Variants in BEND4 observed in about 807,000 individuals in gnomAD.
BEND4 encodes the protein BEN domain containing 4, also known as BEN domain-containing protein 4.
In BEND4, 27 loss-of-function variants were observed where a neutral mutation model predicts 54.7. The ratio of observed to expected loss-of-function variants is 0.49; its 90% confidence interval spans 0.36 to 0.68. The LOEUF is 0.68. BEND4 is among the 30% of genes least tolerant of loss of function. The probability of loss-of-function intolerance (pLI) is 0.00; values close to 1 mark genes in which losing one functional copy is unlikely to be tolerated. For missense variants in BEND4, 702 were observed against 697.2 expected, an observed-to-expected ratio of 1.01 and a Z score of -0.08; for synonymous variants, 327 against 299.5, an observed-to-expected ratio of 1.09 and a Z score of -0.95.
rs568684235 is a variant in BEND4 at position 42,151,538 on chromosome 4, C to G, written c.487+119G>C. ...GCGCGGGGAGGCCCCAGGTGCGCCC[C>G]GACATCCCGACACGGCCCAGCACGG... is the stretch of plus-strand genomic sequence containing the variant. On this transcript the variant is annotated intron_variant, in intron 2 of 5. Transcript: ENST00000502486. 8 of 1,092,822 alleles carry G rather than the reference C, an allele frequency of 7.3e-6. No individual in the cohort carries two copies. The East Asian group carries it at 2.3e-4, about 31-fold the overall frequency. 67.7% of individuals were successfully genotyped at this position (1,092,822 alleles called of 1,614,324 possible).
intron 3 of BEND4, among the ~76,000 whole-genome samples, chr4:42,127,969 C>T (rs913908675): frequency 6.6e-6 from 1 of 151,966 alleles, no homozygotes; most frequent in Non-Finnish European, 1.5e-5. Context: ...TTGAGACTAG[C>T]CTCGGAAACA....
intron 2 of BEND4, among the ~76,000 whole-genome samples, chr4:42,149,727 G>GA (rs948413774): frequency 4.0e-4 from 59 of 146,808 alleles, no homozygotes; most frequent in Non-Finnish European, 6.0e-4. Flanking sequence ...GAAAAGGAAG[G>GA]AAAAAAAAAA....
intron 3 of BEND4, among the ~76,000 whole-genome samples, chr4:42,126,960 G>A (rs1031228881): frequency 6.6e-6 from 1 of 152,294 alleles, no homozygotes; most frequent in African/African-American, 2.4e-5. Flanking sequence ...GTATTTCTTA[G>A]CTGTGTGTTT....
Position 42,143,793 on chromosome 4 carries a change from T to A in BEND4, c.689A>T (p.Asp230Val). Residue 230 changes from aspartate to valine, a missense_variant, in exon 3 of 6, where the codon GAC becomes GTC. Transcript: ENST00000502486. ...GVHSQTSDNVDIEMQYMQRKQ... is the reference protein window; with the variant it reads ...GVHSQTSDNVVIEMQYMQRKQ... Reference sequence around the variant, plus strand: ...CCTTTGCATATACTGCATCTCTATGTCTACATTGTCTGAGGTCTGACTGTG... The same window carrying A: ...CCTTTGCATATACTGCATCTCTATGACTACATTGTCTGAGGTCTGACTGTG... The A allele has an allele frequency of 6.2e-7, 1 of 1,609,278 alleles. No individual in the cohort carries two copies. The highest frequency in any genetic ancestry group is 1.1e-5 in the South Asian group (1 of 90,074).
intron 3 of BEND4, among the ~76,000 whole-genome samples, chr4:42,142,403 T>C (rs953262141): frequency 1.4e-4 from 21 of 148,922 alleles, no homozygotes; most frequent in African/African-American, 4.4e-4. Context: ...GTGGATCACC[T>C]GAGGTCAGGA....
In BEND4 at chr4:42,134,752, T is replaced by C. The variant is rs527637115; in HGVS notation, c.1054+8676A>G. Reference sequence around the variant, plus strand: ...TTGTTACAGTGTCACCTGAGCTGGGTACTAAAGGATGAATAGGAGTTTCTC... The same window carrying C: ...TTGTTACAGTGTCACCTGAGCTGGGCACTAAAGGATGAATAGGAGTTTCTC... On this transcript the variant is annotated intron_variant, in intron 3 of 5. Transcript: ENST00000502486. Among the ~76,000 whole-genome samples the C allele has an allele frequency of 9.8e-5, 15 of 152,304 alleles. 1 individual carries two copies. The highest frequency in any genetic ancestry group is 2.6e-4 in the African/African-American group (11 of 41,564).
At chr4:42,133,207 T>G (rs1720568111) in intron 3 of BEND4, among the ~76,000 whole-genome samples, 1 of 152,210 alleles carries the variant, frequency 6.6e-6, no homozygotes, top group African/African-American at 2.4e-5. Flanking sequence ...CTGTGCCACC[T>G]TGGCAGCTGT....
intron 3 of BEND4, among the ~76,000 whole-genome samples, chr4:42,130,493 A>T (rs1180850759): frequency 6.6e-6 from 1 of 151,750 alleles, no homozygotes; most frequent in Non-Finnish European, 1.5e-5. Context: ...AAAAAAAAAA[A>T]AAAAAAATAC....
rs1719611499 is a variant in BEND4 at position 42,112,445 on chromosome 4, C to A, written c.*5073G>T. ...GGATACATCTGGCCACTTGTACTGG[C>A]CCAATTATTCCAAGAATAAAGAGGT... On this transcript the variant is annotated 3_prime_UTR_variant, in exon 6 of 6. Coordinates refer to ENST00000502486, the MANE Select transcript of BEND4 (RefSeq NM_207406.4). 6.6e-6 allele frequency: 1 copy of A among 152,176 alleles called. No homozygotes were observed. The highest frequency in any genetic ancestry group is 2.1e-4 in the South Asian group (1 of 4,818). The allele number at this position is 152,176 out of a possible 1,614,324, so 9.4% of individuals were successfully genotyped here.
chr4:42,125,777 C>A (rs923617527), intron 3 of BEND4, 103 bp from the exon 4 acceptor site: 68 of 698,260 alleles, frequency 9.7e-5, no homozygotes, highest in Non-Finnish European at 1.4e-4. Flanking sequence ...GTCTTACTGG[C>A]ACCCATACTG....
intron 3 of BEND4, among the ~76,000 whole-genome samples, chr4:42,128,720 C>A (rs1368561667): frequency 6.6e-6 from 1 of 151,732 alleles, no homozygotes; most frequent in Non-Finnish European, 1.5e-5. Context: ...GTGGCTCATG[C>A]CCGTAATCCC....
intron 3 of BEND4, 88 bp downstream of exon 3, chr4:42,143,340 C>A: frequency 8.5e-7 from 1 of 1,182,622 alleles, no homozygotes; most frequent in Non-Finnish European, 1.2e-6. Flanking sequence ...TACACATACA[C>A]ATACATGAGT....
chr4:42,145,773 A>C (rs995852421), intron 2 of BEND4, among the ~76,000 whole-genome samples: 1 of 152,110 alleles, frequency 6.6e-6, no homozygotes, highest in Non-Finnish European at 1.5e-5. Flanking sequence ...ACATCTCCCA[A>C]ATCCTGAATC....
At position 42,114,495 on chromosome 4, in the gene BEND4, C is replaced by T. The variant is rs1719719109; in HGVS notation, c.*3023G>A. 1 of 152,178 alleles carries T rather than the reference C, an allele frequency of 6.6e-6. No individual in the cohort carries two copies. Among genetic ancestry groups the T allele is most frequent in the Admixed American group, 6.5e-5 (1 of 15,268 alleles). The allele number at this position is 152,178 out of a possible 1,614,324, so 9.4% of individuals were successfully genotyped here. A position where few individuals can be genotyped will look rare whatever the true frequency, so the allele number is the denominator to read the frequency against. ...GCATCCTGAGCTGTTTTAACTCAATCTATTTTACACTACCAATGCTAACAT... is the reference window on the plus strand; with the variant it reads ...GCATCCTGAGCTGTTTTAACTCAATTTATTTTACACTACCAATGCTAACAT... On this transcript the variant is annotated 3_prime_UTR_variant, in exon 6 of 6. Transcript: ENST00000502486.
rs1339476661 is a variant in BEND4, at chr4:42,115,977, T to C, written c.*1541A>G. The C allele has an allele frequency of 6.6e-6, 1 of 152,232 alleles. No individual in the cohort carries two copies. The highest frequency in any genetic ancestry group is 1.5e-5 in the Non-Finnish European group (1 of 68,034). 9.4% of individuals were successfully genotyped at this position (152,232 alleles called of 1,614,324 possible). ...AACATTAAACTTTTCAATGGATGAA[T>C]TCTAGTAATACAAAAAAGCTAATAA... On this transcript the variant is annotated 3_prime_UTR_variant, in exon 6 of 6. Transcript: ENST00000502486.
intron 3 of BEND4, 109 bp from the exon 4 acceptor site, chr4:42,125,783 TAC>T: frequency 6.1e-6 from 4 of 660,144 alleles, no homozygotes; most frequent in Non-Finnish European, 1.0e-5. Flanking sequence ...CTGGCACCCA[TAC>T]TGGAGTGCAG....
intron 2 of BEND4, among the ~76,000 whole-genome samples, chr4:42,149,090 AT>A (rs1721173090): frequency 6.6e-6 from 1 of 152,122 alleles, no homozygotes; most frequent in Non-Finnish European, 1.5e-5. Context: ...TCCTTGACTC[AT>A]TTCGTAACAT....
Position 42,117,476 on chromosome 4 carries a change from C to A in BEND4, c.*42G>T, listed in dbSNP as rs913302994. 2.8e-6 allele frequency: 4 copies of A among 1,427,268 alleles called. No homozygotes were observed. Among genetic ancestry groups the A allele is most frequent in the Non-Finnish European group, 3.9e-6 (4 of 1,029,604 alleles). 88.4% of individuals were successfully genotyped at this position (1,427,268 alleles called of 1,614,324 possible). On this transcript the variant is annotated 3_prime_UTR_variant, in exon 6 of 6. Coordinates refer to ENST00000502486, the MANE Select transcript of BEND4 (RefSeq NM_207406.4). The stretch of plus-strand genomic sequence containing the variant: ...AGGAACAGGACATTCACAATTGGAA[C>A]TCTTGAGAGGACCAGCTGCTACAAC...
At chr4:42,141,938 T>C (rs1720900177) in intron 3 of BEND4, among the ~76,000 whole-genome samples, 1 of 151,974 alleles carries the variant, frequency 6.6e-6, no homozygotes, top group Non-Finnish European at 1.5e-5. Context: ...CCAGTCTCCC[T>C]CTGTCACCCA....
Sources: gnomAD v4.1 joint callset for allele counts (sites outside exome capture counted in the v4.1 genomes callset) on GRCh38, gnomAD v4.1.1 for gene constraint, MANE v1.5 for transcripts, NCBI Gene and HGNC (gene_info 2026-07-23, HGNC 2026-07-21) for gene names.